The following CREB5 variants were observed in gnomAD, a reference collection of about 807,000 sequenced individuals.
The protein encoded by CREB5 is cyclic AMP-responsive element-binding protein 5.
CREB5 carries 19 observed loss-of-function variants against 57.1 expected under a neutral mutation model. That is an observed-to-expected ratio of 0.33 (90% CI 0.23 to 0.49). The LOEUF is 0.49. CREB5 is among the 20% of genes least tolerant of loss of function. The pLI, the probability that CREB5 is intolerant of heterozygous loss-of-function variation, is 0.99. For synonymous variants in CREB5, 238 were observed against 238.3 expected (o/e 1.00, Z 0.01); for missense variants, 579 against 671.6 (o/e 0.86, Z 1.52).
intron 5 of CREB5, among the ~76,000 whole-genome samples, chr7:28,622,830 G>T (rs900121486): frequency 7.2e-5 from 11 of 151,982 alleles, no homozygotes; most frequent in African/African-American, 2.4e-4. Flanking sequence ...AGACCAGCCT[G>T]GGTAACATAG....
intron 4 of CREB5, among the ~76,000 whole-genome samples, chr7:28,544,905 A>C (rs1450091668): frequency 2.6e-5 from 4 of 152,310 alleles, no homozygotes; most frequent in Admixed American, 2.6e-4. Context: ...AAATCTGGGA[A>C]CAGCTCTGCT....
At chr7:28,655,017 C>T (rs1799281914) in intron 5 of CREB5, among the ~76,000 whole-genome samples, 1 of 152,034 alleles carries the variant, frequency 6.6e-6, no homozygotes, top group Admixed American at 6.5e-5. Flanking sequence ...CTCAGGTGAT[C>T]CTCCCACAGC....
At chr7:28,742,029 G>A (rs2128757551) in intron 7 of CREB5, among the ~76,000 whole-genome samples, 1 of 141,128 alleles carries the variant, frequency 7.1e-6, no homozygotes, top group East Asian at 2.1e-4. Context: ...TCACACCACT[G>A]CACTCCAGCC....
intron 7 of CREB5, among the ~76,000 whole-genome samples, chr7:28,783,700 G>T (rs1042307140): frequency 4.6e-5 from 7 of 152,152 alleles, no homozygotes; most frequent in Non-Finnish European, 8.8e-5. Context: ...GAGACCTTGG[G>T]TAAATCCATT....
chr7:28,406,434 G>T (rs1274511597), intron 1 of CREB5, among the ~76,000 whole-genome samples: 1 of 152,186 alleles, frequency 6.6e-6, no homozygotes, highest in Non-Finnish European at 1.5e-5. Flanking sequence ...GGTACCTCGG[G>T]GGTTGGCTGT....
intron 5 of CREB5, among the ~76,000 whole-genome samples, chr7:28,611,794 T>C (rs1428946018): frequency 6.6e-6 from 1 of 152,020 alleles, no homozygotes; most frequent in Admixed American, 6.6e-5. Context: ...GTGATGAAAC[T>C]GTTCTATATC....
chr7:28,330,401 C>CCTTTTTTTTT (rs775917974), intron 1 of CREB5, among the ~76,000 whole-genome samples: 4 of 88,538 alleles, frequency 4.5e-5, no homozygotes, highest in African/African-American at 1.9e-4. Flanking sequence ...GAGAACCTTA[C>CCTTTTTTTTT]TTTTTTTTTT....
At chr7:28,563,297 C>G (rs190231024) in intron 4 of CREB5, among the ~76,000 whole-genome samples, 1 of 152,118 alleles carries the variant, frequency 6.6e-6, no homozygotes, top group African/African-American at 2.4e-5. Flanking sequence ...CTGGGACATC[C>G]GTCATCTCAC....
intron 1 of CREB5, among the ~76,000 whole-genome samples, chr7:28,326,024 G>A (rs1193463417): frequency 6.6e-6 from 1 of 152,084 alleles, no homozygotes; most frequent in Non-Finnish European, 1.5e-5. Flanking sequence ...AGTTCTTCAA[G>A]GAGCTTTAAT....
chr7:28,555,558 A>C (rs571469823), intron 4 of CREB5, among the ~76,000 whole-genome samples: 2 of 152,350 alleles, frequency 1.3e-5, no homozygotes, highest in East Asian at 3.9e-4. Context: ...TAGGTGTGAA[A>C]AGACATCTAT....
At chr7:28,337,718 A>G (rs55872509) in intron 1 of CREB5, among the ~76,000 whole-genome samples, 4,518 of 152,202 alleles carry the variant, frequency 0.03, 131 homozygotes, top group Admixed American at 0.068. Flanking sequence ...ATTGATAAGT[A>G]AAAACATTCC....
At position 28,819,495 on chromosome 7, in the gene CREB5, C is replaced by T. The variant is rs937785015; in HGVS notation, c.*216C>T. 8 of 477,934 alleles carry T rather than the reference C, an allele frequency of 1.7e-5. No individual in the cohort carries two copies. The highest frequency in any genetic ancestry group is 3.9e-5 in the Admixed American group (1 of 25,322). The allele number at this position is 477,934 out of a possible 1,614,324, so 29.6% of individuals were successfully genotyped here. On this transcript the variant is annotated 3_prime_UTR_variant, in exon 11 of 11. Coordinates refer to ENST00000357727, the MANE Select transcript of CREB5 (RefSeq NM_182898.4). The stretch of plus-strand genomic sequence containing the variant: ...AATTAATATCTATCAGCTTGGGAAA[C>T]GCTTTGGTGCTTTTCTCCAGTTTTC...
At chr7:28,326,197 CTATCTATCTAT>C (rs1562657899) in intron 1 of CREB5, among the ~76,000 whole-genome samples, 1 of 145,200 alleles carries the variant, frequency 6.9e-6, no homozygotes, top group African/African-American at 2.5e-5. Flanking sequence ...ATCTATCTAT[CTATCTATCTAT>C]CTACCTATCT....
intron 7 of CREB5, chr7:28,724,586 A>G: frequency 2.3e-6 from 1 of 442,636 alleles, no homozygotes; most frequent in Admixed American, 3.7e-5. Context: ...GTAGATCCAT[A>G]CAAGTTGGGG....
intron 7 of CREB5, among the ~76,000 whole-genome samples, chr7:28,798,775 T>C (rs1808202072): frequency 6.6e-6 from 1 of 152,258 alleles, no homozygotes; most frequent in South Asian, 2.1e-4. Flanking sequence ...AGAATCATTT[T>C]TCTTTCTTTC....
chr7:28,434,934 C>T (rs1248384381), intron 1 of CREB5, among the ~76,000 whole-genome samples: 1 of 133,688 alleles, frequency 7.5e-6, no homozygotes, highest in East Asian at 1.9e-4. Context: ...GATGATTTTT[C>T]TTGAATGGTG....
chr7:28,620,121 A>G (rs1250459642), intron 5 of CREB5, among the ~76,000 whole-genome samples: 1 of 152,242 alleles, frequency 6.6e-6, no homozygotes, highest in East Asian at 1.9e-4. Flanking sequence ...AACTGGGGAT[A>G]TATTTAATCT....
chr7:28,693,939 A>T lies in CREB5; in HGVS notation c.465-24814A>T, dbSNP rs559617204. 3.0e-4 allele frequency among the ~76,000 whole-genome samples: 46 copies of T among 152,330 alleles called. No homozygotes were observed. In the South Asian group the frequency reaches 9.1e-3, roughly 30 times the overall value. ...CAAGTCACAGAATGCAGGTGAGGTC[A>T]TGAGTGGGTGGAGAGGTGAAGAGAG... On this transcript the variant is annotated intron_variant, in intron 5 of 10. Transcript: ENST00000357727.
At chr7:28,666,575 G>A (rs1241017208) in intron 5 of CREB5, among the ~76,000 whole-genome samples, 2 of 151,938 alleles carry the variant, frequency 1.3e-5, no homozygotes, top group African/African-American at 4.8e-5. Context: ...TAAACGCCAT[G>A]GACCAGATAG....
Sources: allele counts gnomAD v4.1 joint callset (sites outside exome capture counted in the v4.1 genomes callset), GRCh38; gene constraint gnomAD v4.1.1; transcripts MANE v1.5; gene names NCBI Gene and HGNC (gene_info 2026-07-23, HGNC 2026-07-21).